The following METTL15 variants were observed in gnomAD, a reference collection of about 807,000 sequenced individuals.
The protein encoded by METTL15 is methyltransferase 15, mitochondrial 12S rRNA N4-cytidine, also known as 12S rRNA N(4)-cytidine methyltransferase METTL15.
In METTL15, 34 loss-of-function variants were observed where a neutral mutation model predicts 38.3. The ratio of observed to expected loss-of-function variants is 0.89; its 90% CI spans 0.68 to 1.18. The LOEUF (loss-of-function observed/expected upper bound fraction) is 1.18. Ranked by LOEUF, METTL15 falls within the 50% of genes most tolerant of loss-of-function variation. The probability of loss-of-function intolerance (pLI) is 0.00; values close to 1 mark genes in which losing one functional copy is unlikely to be tolerated. For missense variants in METTL15, 438 were observed against 498.4 expected, an observed-to-expected ratio of 0.88 and a Z score of 1.15; for synonymous variants, 162 against 170.9, an observed-to-expected ratio of 0.95 and a Z score of 0.41.
intron 3 of METTL15, among the ~76,000 whole-genome samples, chr11:28,200,439 A>G (rs1350733654): frequency 6.6e-6 from 1 of 152,176 alleles, no homozygotes; most frequent in East Asian, 1.9e-4. Context: ...GTCATAAAAT[A>G]AGCTTCCATA....
At position 28,254,699 on chromosome 11, in the gene METTL15, G is replaced by T. The variant is rs544257880; in HGVS notation, c.408-35507G>T. 3.9e-5 allele frequency among the ~76,000 whole-genome samples: 6 copies of T among 152,150 alleles called. No homozygotes were observed. In the East Asian group the frequency reaches 1.2e-3, roughly 29 times the overall value. On this transcript the variant is annotated intron_variant, in intron 4 of 6. Coordinates refer to ENST00000407364, the MANE Select transcript of METTL15 (RefSeq NM_001113528.2). ...AGGGGTCTTCATTATTCCGCAAATG[G>T]ATATACAGTTTTCTAGCGCCATTTA...
At position 28,222,085 on chromosome 11, in the gene METTL15, G is replaced by A. The variant is rs183494260; in HGVS notation, c.407+10887G>A. ...ACCACTACTGTCTTCCAAGCTGTCA[G>A]ACAGGGATATTTAAGTCTGCAGAGG... On this transcript the variant is annotated intron_variant, in intron 4 of 6. Transcript: ENST00000407364. 2.1e-3 allele frequency among the ~76,000 whole-genome samples: 317 copies of A among 152,302 alleles called. 3 individuals carry two copies. The highest frequency in any genetic ancestry group is 6.8e-3 in the Middle Eastern group (2 of 294).
chr11:28,171,810 G>A (rs1472069011), intron 3 of METTL15, among the ~76,000 whole-genome samples: 1 of 148,182 alleles, frequency 6.7e-6, no homozygotes, highest in Non-Finnish European at 1.5e-5. Context: ...TCTTTTTTTA[G>A]GGACAGGGTA....
chr11:28,309,902 C>T (rs1463229920), intron 6 of METTL15, among the ~76,000 whole-genome samples: 1 of 152,086 alleles, frequency 6.6e-6, no homozygotes, highest in African/African-American at 2.4e-5. Flanking sequence ...CCACCATTAC[C>T]ATTGTTCATC....
intron 6 of METTL15, among the ~76,000 whole-genome samples, chr11:28,310,205 T>C (rs1176258519): frequency 1.3e-5 from 2 of 152,072 alleles, no homozygotes; most frequent in Non-Finnish European, 2.9e-5. Context: ...GTACTGGAAA[T>C]ATAGATTTGG....
At chr11:28,509,281 C>T (rs971191604) in intron 6 of METTL15, among the ~76,000 whole-genome samples, 2 of 152,150 alleles carry the variant, frequency 1.3e-5, no homozygotes, top group Non-Finnish European at 2.9e-5. Flanking sequence ...AGGTATTCTA[C>T]TTTTGAAAGA....
chr11:28,487,041 G>A lies in METTL15; in HGVS notation c.*425-39437G>A, dbSNP rs561595624. Among the ~76,000 whole-genome samples the A allele has an allele frequency of 7.2e-5, 11 of 152,224 alleles. No homozygotes were observed. The Middle Eastern group carries it at 0.01, about 142-fold the overall frequency. ...AGTGCCATTTTCTCTTTATTAGATT[G>A]GCAAAGGTTTTTTTTAAGATGTTCA... On this transcript the variant is annotated intron_variant and NMD_transcript_variant, in intron 6 of 7. Transcript: ENST00000532947.
At chr11:28,212,910 C>T (rs1454852042) in intron 4 of METTL15, among the ~76,000 whole-genome samples, 3 of 152,152 alleles carry the variant, frequency 2.0e-5, no homozygotes, top group African/African-American at 7.2e-5. Context: ...TTAAACACCA[C>T]ACTTTCTCAA....
At chr11:28,523,442 G>T (rs1303982962) in intron 6 of METTL15, among the ~76,000 whole-genome samples, 1 of 152,146 alleles carries the variant, frequency 6.6e-6, no homozygotes, top group African/African-American at 2.4e-5. Flanking sequence ...ATGGCAGAAC[G>T]ACATATTGGA....
rs934358595 is a variant in METTL15, at chr11:28,276,533, T to C, written c.408-13673T>C. ...TATTGCCCAAAGCAATCTACAGATT[T>C]CACTACAATCTGTATCAAACACCAA... is the stretch of plus-strand genomic sequence containing the variant. On this transcript the variant is annotated intron_variant, in intron 4 of 6. Coordinates refer to ENST00000407364, the MANE Select transcript of METTL15 (RefSeq NM_001113528.2). 2.0e-5 allele frequency among the ~76,000 whole-genome samples: 3 copies of C among 152,096 alleles called. No individual in the cohort carries two copies. The East Asian group carries it at 5.8e-4, about 29-fold the overall frequency.
At chr11:28,197,642 C>T (rs1156585335) in intron 3 of METTL15, 1 of 303,026 alleles carries the variant, frequency 3.3e-6, no homozygotes. Context: ...CATGTTTAAA[C>T]ATTTTCAGGA....
At chr11:28,155,174 G>T (rs372838666) in intron 3 of METTL15, among the ~76,000 whole-genome samples, 2 of 152,002 alleles carry the variant, frequency 1.3e-5, no homozygotes, top group East Asian at 1.9e-4. Context: ...TTTTGTTAAG[G>T]TTTCTCTCTG....
chr11:28,403,612 C>G (rs1850649362), intron 5 of METTL15, among the ~76,000 whole-genome samples: 1 of 151,830 alleles, frequency 6.6e-6, no homozygotes, highest in South Asian at 2.1e-4. Flanking sequence ...CCAATTATCC[C>G]ATGCATAGGT....
At chr11:28,141,196 TTGAC>T (rs1849687704) in intron 3 of METTL15, among the ~76,000 whole-genome samples, 1 of 152,132 alleles carries the variant, frequency 6.6e-6, no homozygotes, top group Admixed American at 6.6e-5. Context: ...GTATTGCTGA[TTGAC>T]TGGGCATGAA....
intron 3 of METTL15, among the ~76,000 whole-genome samples, chr11:28,117,994 CT>C (rs921322448): frequency 6.6e-6 from 1 of 151,864 alleles, no homozygotes; most frequent in African/African-American, 2.4e-5. Flanking sequence ...ACAGATGAAA[CT>C]TTTTTTTGTT....
chr11:28,188,500 C>G (rs999464012), intron 3 of METTL15, among the ~76,000 whole-genome samples: 34 of 151,312 alleles, frequency 2.2e-4, no homozygotes, highest in Non-Finnish European at 3.6e-4. Context: ...AAAATTGACT[C>G]ATGTCCAAAT....
chr11:28,363,713 T>G (rs551921200), intron 5 of METTL15, among the ~76,000 whole-genome samples: 8 of 152,346 alleles, frequency 5.3e-5, no homozygotes, highest in African/African-American at 1.9e-4. Context: ...TGTCAACTTT[T>G]GTTTTTGTTG....
chr11:28,491,862 C>T (rs762574823), intron 6 of METTL15, among the ~76,000 whole-genome samples: 9 of 151,902 alleles, frequency 5.9e-5, no homozygotes, highest in Non-Finnish European at 1.3e-4. Flanking sequence ...TAACTGGATG[C>T]CTTCTATTTT....
chr11:28,229,973 C>T (rs1256935634), intron 4 of METTL15, among the ~76,000 whole-genome samples: 2 of 151,342 alleles, frequency 1.3e-5, no homozygotes, highest in East Asian at 3.9e-4. Context: ...TATTCTTTGA[C>T]CCTCTCCTTC....
Sources: allele counts gnomAD v4.1 joint callset (sites outside exome capture counted in the v4.1 genomes callset), GRCh38; gene constraint gnomAD v4.1.1; transcripts MANE v1.5; gene names NCBI Gene and HGNC (gene_info 2026-07-23, HGNC 2026-07-21).